LRMDA: variants seen among roughly 807,000 people sequenced by gnomAD.
The protein encoded by LRMDA is leucine rich melanocyte differentiation associated.
A neutral mutation model predicts 29.8 loss-of-function variants in LRMDA; 18 were observed. The observed-to-expected ratio is 0.60, with a 90% CI of 0.42 to 0.90. LRMDA has a LOEUF of 0.90. Ranked by LOEUF, LRMDA falls within the 40% of genes least tolerant of loss-of-function variation. LRMDA has a pLI of 0.00. For missense variants in LRMDA, 273 were observed against 273.9 expected, an observed-to-expected ratio of 1.00 and a Z score of 0.02; for synonymous variants, 125 against 109.4, an observed-to-expected ratio of 1.14 and a Z score of -0.89.
At chr10:76,397,588 G>C (rs1841800359) in intron 6 of LRMDA, among the ~76,000 whole-genome samples, 1 of 152,246 alleles carries the variant, frequency 6.6e-6, no homozygotes, top group Admixed American at 6.5e-5. Flanking sequence ...CTCGGCACCA[G>C]GTCTGGGCTA....
chr10:76,404,734 A>C (rs1377977987), intron 6 of LRMDA, among the ~76,000 whole-genome samples: 1 of 152,122 alleles, frequency 6.6e-6, no homozygotes, highest in Non-Finnish European at 1.5e-5. Flanking sequence ...TAAAACCTCA[A>C]CTTCCCACTT....
chr10:76,358,992 G>C (rs949796511), intron 6 of LRMDA, among the ~76,000 whole-genome samples: 1 of 152,130 alleles, frequency 6.6e-6, no homozygotes, highest in Admixed American at 6.5e-5. Flanking sequence ...ACAGATGTTC[G>C]GCAAGGGACA....
chr10:75,457,217 A>G (rs1844528895), intron 2 of LRMDA, among the ~76,000 whole-genome samples: 1 of 152,174 alleles, frequency 6.6e-6, no homozygotes, highest in African/African-American at 2.4e-5. Context: ...CCTGACTACA[A>G]AGTCGACTGT....
intron 6 of LRMDA, among the ~76,000 whole-genome samples, chr10:76,533,311 A>G (rs1241175617): frequency 5.9e-5 from 9 of 152,220 alleles, no homozygotes; most frequent in African/African-American, 2.2e-4. Flanking sequence ...TTCAGTTCCT[A>G]TATCCGGATT....
intron 5 of LRMDA, among the ~76,000 whole-genome samples, chr10:76,238,576 G>C (rs1419998801): frequency 6.6e-6 from 1 of 151,390 alleles, no homozygotes; most frequent in Admixed American, 6.6e-5. Context: ...AGGAGGGGAA[G>C]GGCAGCAGGT....
chr10:75,509,674 CT>C (rs942698898), intron 2 of LRMDA, among the ~76,000 whole-genome samples: 14 of 152,340 alleles, frequency 9.2e-5, no homozygotes, highest in African/African-American at 3.4e-4. Flanking sequence ...ATCCTTTCCA[CT>C]TCATTATTTC....
intron 6 of LRMDA, among the ~76,000 whole-genome samples, chr10:76,333,008 GAT>G (rs1211864347): frequency 1.3e-5 from 2 of 152,196 alleles, no homozygotes; most frequent in African/African-American, 2.4e-5. Flanking sequence ...GTTTAGAAAA[GAT>G]AGCGTGCAAT....
chr10:76,512,510 A>G (rs1314262950), intron 6 of LRMDA, among the ~76,000 whole-genome samples: 2 of 152,236 alleles, frequency 1.3e-5, no homozygotes, highest in Non-Finnish European at 1.5e-5. Context: ...ATGATGAGGC[A>G]ACAGAATATG....
intron 2 of LRMDA, among the ~76,000 whole-genome samples, chr10:75,746,568 G>T (rs527631959): frequency 6.6e-6 from 1 of 152,232 alleles, no homozygotes; most frequent in Admixed American, 6.5e-5. Context: ...TTTGTCAGAG[G>T]GTTTGATGAT....
In LRMDA at chr10:75,829,169, A is replaced by C. The variant is rs529744417; in HGVS notation, c.132-206839A>C. On this transcript the variant is annotated intron_variant, in intron 2 of 6. Coordinates refer to ENST00000611255, the MANE Select transcript of LRMDA (RefSeq NM_001305581.2). ...GATGGTGTGCTGAGCCCTTCCCATG[A>C]GATGATGTTCCAGAAGAATCCCAGA... Among the ~76,000 whole-genome samples the C allele has an allele frequency of 2.0e-3, 308 of 152,278 alleles. 1 individual carries two copies. The highest frequency in any genetic ancestry group is 5.3e-3 in the Admixed American group (81 of 15,298).
chr10:76,165,058 T>G (rs12240396), intron 5 of LRMDA, among the ~76,000 whole-genome samples: 5 of 152,194 alleles, frequency 3.3e-5, no homozygotes, highest in Admixed American at 3.3e-4. Flanking sequence ...CTGCAAACTC[T>G]GCCTCCCAGG....
chr10:76,541,574 G>T (rs1843355852), intron 6 of LRMDA, among the ~76,000 whole-genome samples: 1 of 138,990 alleles, frequency 7.2e-6, no homozygotes, highest in Non-Finnish European at 1.6e-5. Flanking sequence ...CTTTAAGTCA[G>T]TATTGTGTTT....
At chr10:75,569,124 T>C in intron 2 of LRMDA, among the ~76,000 whole-genome samples, 1 of 152,212 alleles carries the variant, frequency 6.6e-6, no homozygotes, top group East Asian at 1.9e-4. Flanking sequence ...TCCTGGCATA[T>C]GCCCACAACT....
chr10:75,792,795 T>C (rs1843591402), intron 2 of LRMDA, among the ~76,000 whole-genome samples: 3 of 152,200 alleles, frequency 2.0e-5, no homozygotes, highest in Non-Finnish European at 4.4e-5. Flanking sequence ...TAATATCTGC[T>C]TGTAGGTTGT....
intron 6 of LRMDA, among the ~76,000 whole-genome samples, chr10:76,492,268 G>C (rs1173321130): frequency 6.6e-6 from 1 of 152,026 alleles, no homozygotes; most frequent in East Asian, 1.9e-4. Flanking sequence ...GTTAGTCACT[G>C]TCTGGGCATT....
intron 6 of LRMDA, among the ~76,000 whole-genome samples, chr10:76,482,291 C>T (rs1842740033): frequency 6.6e-6 from 1 of 151,838 alleles, no homozygotes; most frequent in Admixed American, 6.6e-5. Context: ...GTGAACAGAC[C>T]TGCAACCAGT....
At chr10:76,245,614 T>G (rs990078604) in intron 5 of LRMDA, among the ~76,000 whole-genome samples, 14 of 152,232 alleles carry the variant, frequency 9.2e-5, no homozygotes, top group African/African-American at 3.1e-4. Context: ...TTACCCACAT[T>G]TTATACATTA....
At chr10:75,960,513 A>C (rs1013187954) in intron 2 of LRMDA, among the ~76,000 whole-genome samples, 3 of 152,324 alleles carry the variant, frequency 2.0e-5, no homozygotes, top group African/African-American at 7.2e-5. Context: ...AAGGGAGAAA[A>C]CTTTATATGC....
chr10:76,156,948 T>C (rs921447153), intron 5 of LRMDA, among the ~76,000 whole-genome samples: 1 of 152,246 alleles, frequency 6.6e-6, no homozygotes, highest in Non-Finnish European at 1.5e-5. Context: ...CATTTCACTT[T>C]TAGGTTCTTG....
Sources: gnomAD v4.1 joint callset for allele counts (sites outside exome capture counted in the v4.1 genomes callset) on GRCh38, gnomAD v4.1.1 for gene constraint, MANE v1.5 for transcripts, NCBI Gene and HGNC (gene_info 2026-07-23, HGNC 2026-07-21) for gene names.